The following ITGB3BP variants were observed in gnomAD, a reference collection of about 807,000 sequenced individuals.
ITGB3BP encodes the protein centromere protein R.
In ITGB3BP, 27 loss-of-function variants were observed where a neutral mutation model predicts 29.1. The observed-to-expected ratio is 0.93, with a 90% CI of 0.68 to 1.28. The LOEUF (loss-of-function observed/expected upper bound fraction) is 1.28, where lower values mean the gene tolerates loss of function less well. ITGB3BP is among the 50% of genes most tolerant of loss of function. The pLI, the probability that ITGB3BP is intolerant of heterozygous loss-of-function variation, is 0.00. For missense variants in ITGB3BP, 192 were observed against 200.2 expected, an observed-to-expected ratio of 0.96 and a Z score of 0.25; for synonymous variants, 61 against 61.4, an observed-to-expected ratio of 0.99 and a Z score of 0.03.
chr1:63,525,438 T>A, upstream of ITGB3BP: 1 of 629,834 alleles, frequency 1.6e-6, no homozygotes, highest in Non-Finnish European at 2.5e-6. Flanking sequence ...AATATCTTGA[T>A]CTTTTCATAT....
chr1:63,508,379 T>C (rs924898858), intron 2 of ITGB3BP, 149 bp downstream of exon 2: 4 of 455,656 alleles, frequency 8.8e-6, no homozygotes, highest in Admixed American at 4.3e-5. Flanking sequence ...ATATCTTATA[T>C]GCAGAAAATG....
intron 2 of ITGB3BP, among the ~76,000 whole-genome samples, chr1:63,492,259 CTTT>C (rs902782791): frequency 6.6e-6 from 1 of 151,216 alleles, no homozygotes; most frequent in Non-Finnish European, 1.5e-5. Flanking sequence ...AGGCTTCTCT[CTTT>C]TTTTATTTTT....
Position 63,486,895 on chromosome 1 carries a change from G to C in ITGB3BP, c.184+3188C>G, listed in dbSNP as rs191683482. Among the ~76,000 whole-genome samples, 360 of 152,112 alleles carry C rather than the reference G, an allele frequency of 2.4e-3. 2 individuals are homozygous for C. The highest frequency in any genetic ancestry group is 8.4e-3 in the African/African-American group (347 of 41,524). On this transcript the variant is annotated intron_variant, in intron 3 of 8. Coordinates refer to ENST00000271002, the MANE Select transcript of ITGB3BP (RefSeq NM_014288.5). The stretch of plus-strand genomic sequence containing the variant: ...GCATCACATGGTCAAGCAGATACTT[G>C]CAACACTTGAGCTCACTACAATAGC...
intron 4 of ITGB3BP, among the ~76,000 whole-genome samples, chr1:63,475,100 A>C (rs982105683): frequency 3.3e-5 from 5 of 151,602 alleles, no homozygotes; most frequent in African/African-American, 7.3e-5. Flanking sequence ...TCAGCCTCCC[A>C]AGTAGCTGGG....
chr1:63,524,912 A>C (rs1227742821), upstream of ITGB3BP, among the ~76,000 whole-genome samples: 1 of 152,198 alleles, frequency 6.6e-6, no homozygotes, highest in Non-Finnish European at 1.5e-5. Context: ...TATTGTTATT[A>C]ATAAAGGAAC....
chr1:63,510,021 T>C, intron 1 of ITGB3BP: 1 of 518,652 alleles, frequency 1.9e-6, no homozygotes, highest in South Asian at 2.7e-5. Flanking sequence ...AAACCCTGTC[T>C]GTACTAAAAA....
intron 2 of ITGB3BP, among the ~76,000 whole-genome samples, chr1:63,499,080 T>C (rs1645859744): frequency 6.7e-6 from 1 of 149,770 alleles, no homozygotes; most frequent in Non-Finnish European, 1.5e-5. Context: ...TGTAAAGACA[T>C]AAGAGTTAAT....
chr1:63,523,581 G>T (rs1318784094), upstream of ITGB3BP: 1 of 182,634 alleles, frequency 5.5e-6, no homozygotes, highest in Non-Finnish European at 1.2e-5. Flanking sequence ...TGAGAGGAAC[G>T]CTGAATCGCC....
chr1:63,495,407 AG>A (rs1645762670), intron 2 of ITGB3BP, among the ~76,000 whole-genome samples: 1 of 152,222 alleles, frequency 6.6e-6, no homozygotes, highest in African/African-American at 2.4e-5. Flanking sequence ...ATTACACTAA[AG>A]GAAAGATAGC....
chr1:63,493,861 A>G (rs113888957), intron 2 of ITGB3BP, among the ~76,000 whole-genome samples: 1 of 152,234 alleles, frequency 6.6e-6, no homozygotes, highest in African/African-American at 2.4e-5. Flanking sequence ...AGGATACTTT[A>G]TCACTATTTT....
chr1:63,467,075 GTCTCAT>G (rs961593577), intron 4 of ITGB3BP, among the ~76,000 whole-genome samples: 11 of 152,082 alleles, frequency 7.2e-5, no homozygotes, highest in Non-Finnish European at 1.3e-4. Context: ...TAGAGATGGG[GTCTCAT>G]TTTGTTGCCC....
chr1:63,525,875 G>C, upstream of ITGB3BP: 1 of 691,950 alleles, frequency 1.4e-6, no homozygotes, highest in Non-Finnish European at 2.3e-6. Flanking sequence ...AGTGAAGCTT[G>C]AGCAATGGAA....
At chr1:63,512,182 T>G (rs1448464592) in intron 1 of ITGB3BP, among the ~76,000 whole-genome samples, 1 of 152,072 alleles carries the variant, frequency 6.6e-6, no homozygotes, top group African/African-American at 2.4e-5. Flanking sequence ...CTGTTGAGAA[T>G]TTTAAAAAGA....
intron 7 of ITGB3BP, among the ~76,000 whole-genome samples, chr1:63,447,968 G>T (rs1644809164): frequency 1.3e-5 from 2 of 151,890 alleles, no homozygotes; most frequent in Admixed American, 1.3e-4. Flanking sequence ...AGAAAATGTG[G>T]CACATATACA....
intron 7 of ITGB3BP, among the ~76,000 whole-genome samples, chr1:63,451,113 G>C (rs1239773153): frequency 6.6e-6 from 1 of 151,690 alleles, no homozygotes; most frequent in East Asian, 1.9e-4. Context: ...AATTAGAAGA[G>C]GCAATGATAG....
At chr1:63,523,776 T>A (rs1412713191), upstream of ITGB3BP, 1 of 153,512 alleles carries the variant, frequency 6.5e-6, no homozygotes, top group Admixed American at 6.5e-5. Context: ...GTAAATGCGG[T>A]TTTATTTCCA....
chr1:63,508,079 G>A (rs565126646), intron 2 of ITGB3BP, among the ~76,000 whole-genome samples: 1 of 152,228 alleles, frequency 6.6e-6, no homozygotes, highest in South Asian at 2.1e-4. Flanking sequence ...TTAGTATTAT[G>A]CTGTTTAATC....
chr1:63,471,733 G>A (rs1363117294), intron 4 of ITGB3BP, among the ~76,000 whole-genome samples: 1 of 152,172 alleles, frequency 6.6e-6, no homozygotes, highest in Non-Finnish European at 1.5e-5. Flanking sequence ...GAAGGTATCT[G>A]TTAAAACTTC....
intron 1 of ITGB3BP, among the ~76,000 whole-genome samples, chr1:63,516,704 T>C (rs1365438508): frequency 7.4e-6 from 1 of 135,332 alleles, no homozygotes; most frequent in Non-Finnish European, 1.6e-5. Context: ...AGTAAGACCT[T>C]GTTTCATGAA....
Sources: allele counts gnomAD v4.1 joint callset (sites outside exome capture counted in the v4.1 genomes callset), GRCh38; gene constraint gnomAD v4.1.1; transcripts MANE v1.5; gene names NCBI Gene and HGNC (gene_info 2026-07-23, HGNC 2026-07-21).